The following BASP1 variants were observed in gnomAD, a reference collection of about 807,000 sequenced individuals.
BASP1 encodes brain abundant membrane attached signal protein 1.
BASP1 carries 1 observed loss-of-function variant against 2.2 expected under a neutral mutation model. The ratio of observed to expected loss-of-function variants is 0.46; its 90% CI spans 0.16 to 2.17. The LOEUF (loss-of-function observed/expected upper bound fraction) is 2.17, where lower values mean the gene tolerates loss of function less well. BASP1 is among the 30% of genes most tolerant of loss of function. The probability of loss-of-function intolerance (pLI) is 0.27; values close to 1 mark genes in which losing one functional copy is unlikely to be tolerated. For missense variants in BASP1, 352 were observed against 327.2 expected (o/e 1.08, Z -0.58); for synonymous variants, 187 against 154.2 (o/e 1.21, Z -1.58).
At position 17,270,078 on chromosome 5, in the gene BASP1, G is replaced by A. The variant is rs185880937; in HGVS notation, c.-9-5130G>A. ...TGCAATTGTGCGATCTCGGCTCACC[G>A]CAACCTCCACTTCCCAGGTTCAAGC... On this transcript the variant is annotated intron_variant, in intron 1 of 1. Transcript: ENST00000322611. Among the ~76,000 whole-genome samples, 308 of 152,176 alleles carry A rather than the reference G, an allele frequency of 2.0e-3. 3 individuals carry two copies. Among genetic ancestry groups the A allele is most frequent in the African/African-American group, 7.2e-3 (298 of 41,516 alleles).
chr5:17,224,468 G>A (rs1369491307), intron 1 of BASP1, among the ~76,000 whole-genome samples: 1 of 129,292 alleles, frequency 7.7e-6, no homozygotes, highest in East Asian at 2.8e-4. Context: ...GAAAAAAGGG[G>A]AAGGGGGGCT....
chr5:17,272,932 G>A (rs1417251443), intron 1 of BASP1, among the ~76,000 whole-genome samples: 2 of 152,020 alleles, frequency 1.3e-5, no homozygotes, highest in Admixed American at 1.3e-4. Flanking sequence ...TCATGCTGTG[G>A]GTGTCAGAAA....
chr5:17,232,706 G>A lies in BASP1; in HGVS notation c.-10+14896G>A, dbSNP rs150476329. ...TAACGAACCTTTGGCAAACATCACC[G>A]TGGATTTTTCTTTTTCTTTTTTTTT... On this transcript the variant is annotated intron_variant, in intron 1 of 1. Coordinates refer to ENST00000322611, the MANE Select transcript of BASP1 (RefSeq NM_006317.5). Among the ~76,000 whole-genome samples the A allele has an allele frequency of 2.6e-4, 40 of 152,122 alleles. 2 individuals carry two copies. In the East Asian group the frequency reaches 7.3e-3, roughly 28 times the overall value.
chr5:17,232,796 C>T (rs963850793), intron 1 of BASP1, among the ~76,000 whole-genome samples: 5 of 152,072 alleles, frequency 3.3e-5, no homozygotes, highest in African/African-American at 1.2e-4. Flanking sequence ...TCTTCCATGT[C>T]ACATACCTCT....
chr5:17,243,293 C>A (rs943311569), intron 1 of BASP1, among the ~76,000 whole-genome samples: 1 of 151,932 alleles, frequency 6.6e-6, no homozygotes, highest in African/African-American at 2.4e-5. Context: ...GGACTATGGG[C>A]GTGGTGCGTA....
chr5:17,262,757 T>C (rs1002090180), intron 1 of BASP1, among the ~76,000 whole-genome samples: 1 of 152,204 alleles, frequency 6.6e-6, no homozygotes, highest in Non-Finnish European at 1.5e-5. Context: ...TCTTCATATG[T>C]CTTCTCCCTC....
chr5:17,242,411 C>T (rs763077700), intron 1 of BASP1, among the ~76,000 whole-genome samples: 4 of 152,000 alleles, frequency 2.6e-5, no homozygotes, highest in Non-Finnish European at 5.9e-5. Context: ...CGCCGCCCCC[C>T]ACCCCATGCA....
chr5:17,247,773 T>C (rs1295580489), intron 1 of BASP1, among the ~76,000 whole-genome samples: 2 of 152,238 alleles, frequency 1.3e-5, no homozygotes, highest in Non-Finnish European at 2.9e-5. Context: ...GCGCTTCGTA[T>C]GTACATTTTT....
At chr5:17,246,907 G>A (rs533374359) in intron 1 of BASP1, among the ~76,000 whole-genome samples, 2 of 152,070 alleles carry the variant, frequency 1.3e-5, no homozygotes, top group Non-Finnish European at 2.9e-5. Flanking sequence ...AAGTCATTTG[G>A]CCGTTGCAGT....
At chr5:17,258,237 C>T (rs1472447388) in intron 1 of BASP1, among the ~76,000 whole-genome samples, 3 of 152,150 alleles carry the variant, frequency 2.0e-5, no homozygotes, top group African/African-American at 7.2e-5. Flanking sequence ...TCGGTTAGAC[C>T]TGGCTAGGTT....
Position 17,275,547 on chromosome 5 carries a change from C to T in BASP1, c.331C>T (p.Pro111Ser), listed in dbSNP as rs1216474782. ...GGCGCCCGAGCAGGAGCAGGCGGCCCCCGGCCCCGCTGCGGGCGGCGAGGC... is the reference window on the plus strand; with the variant it reads ...GGCGCCCGAGCAGGAGCAGGCGGCCTCCGGCCCCGCTGCGGGCGGCGAGGC... ...PKAPEQEQAA[P>S]GPAAGGEAPK... The change falls in exon 2 of 2, where the codon CCC becomes TCC. Residue 111 changes from proline to serine, a missense_variant. By Grantham distance (74) the Pro-to-Ser change is moderately conservative (BLOSUM62 -1). Transcript: ENST00000322611. This position sits in a 1 kb window ranked among gnomAD's most constrained non-coding sequence, Gnocchi z 5.3. 2.8e-6 allele frequency: 4 copies of T among 1,404,926 alleles called. No individual in the cohort carries two copies. The highest frequency in any genetic ancestry group is 3.7e-6 in the Non-Finnish European group (4 of 1,084,260). 87.0% of individuals were successfully genotyped at this position (1,404,926 alleles called of 1,614,324 possible).
chr5:17,227,007 C>T (rs1340155000), intron 1 of BASP1, among the ~76,000 whole-genome samples: 1 of 151,282 alleles, frequency 6.6e-6, no homozygotes, highest in Non-Finnish European at 1.5e-5. Flanking sequence ...CAGCTCACTG[C>T]AACCTCAGCC....
chr5:17,237,714 G>T lies in BASP1; in HGVS notation c.-10+19904G>T, dbSNP rs115317912. 5.1e-3 allele frequency among the ~76,000 whole-genome samples: 758 copies of T among 149,544 alleles called. 9 individuals are homozygous for T. The highest frequency in any genetic ancestry group is 0.018 in the African/African-American group (725 of 40,498). On this transcript the variant is annotated intron_variant, in intron 1 of 1. Coordinates refer to ENST00000322611, the MANE Select transcript of BASP1 (RefSeq NM_006317.5). Reference sequence around the variant, plus strand: ...TAACCTCCACCTCTTGGGTTCAAGTGAATCTCCTGCCTCCACCTCCCGAGT... The same window carrying T: ...TAACCTCCACCTCTTGGGTTCAAGTTAATCTCCTGCCTCCACCTCCCGAGT...
At chr5:17,250,847 G>A (rs1388530360) in intron 1 of BASP1, among the ~76,000 whole-genome samples, 3 of 151,838 alleles carry the variant, frequency 2.0e-5, no homozygotes, top group Admixed American at 1.3e-4. Context: ...CTCGTGATCC[G>A]CCCGCCTCGG....
At chr5:17,270,474 G>C (rs1306914706) in intron 1 of BASP1, among the ~76,000 whole-genome samples, 1 of 152,196 alleles carries the variant, frequency 6.6e-6, no homozygotes, top group African/African-American at 2.4e-5. Flanking sequence ...TATTCAGAGC[G>C]AAGAAGTAGA....
intron 1 of BASP1, among the ~76,000 whole-genome samples, chr5:17,219,670 A>G (rs1222687943): frequency 6.6e-6 from 1 of 152,156 alleles, no homozygotes; most frequent in East Asian, 1.9e-4. Flanking sequence ...CAGTGACACC[A>G]CCTGGGGAAA....
intron 1 of BASP1, among the ~76,000 whole-genome samples, chr5:17,254,788 G>T (rs1740169209): frequency 6.6e-6 from 1 of 152,066 alleles, no homozygotes; most frequent in Admixed American, 6.5e-5. Flanking sequence ...GTTTGAATAA[G>T]AAAAAAGAGG....
chr5:17,253,236 G>T (rs1740136003), intron 1 of BASP1, among the ~76,000 whole-genome samples: 3 of 151,964 alleles, frequency 2.0e-5, no homozygotes, highest in African/African-American at 7.3e-5. Context: ...TTTAAGACAG[G>T]GTCTCACTCT....
At chr5:17,266,888 C>A (rs1740425999) in intron 1 of BASP1, among the ~76,000 whole-genome samples, 1 of 149,460 alleles carries the variant, frequency 6.7e-6, no homozygotes, top group African/African-American at 2.5e-5. Context: ...CATAATCTTT[C>A]AAAATGTTGC....
Sources: gnomAD v4.1 joint callset for allele counts (sites outside exome capture counted in the v4.1 genomes callset) on GRCh38, gnomAD v4.1.1 for gene constraint, Gnocchi (gnomAD v3.1) non-coding constraint, MANE v1.5 for transcripts, NCBI Gene and HGNC (gene_info 2026-07-23, HGNC 2026-07-21) for gene names.